Variants in FRMPD4 observed in about 807,000 individuals in gnomAD.
FRMPD4 encodes the protein FERM and PDZ domain containing 4.
FRMPD4 carries 22 observed loss-of-function variants against 94.1 expected under a neutral mutation model. That is an observed-to-expected ratio of 0.23 (90% CI 0.17 to 0.33). The LOEUF is 0.33. FRMPD4 is among the 10% of genes least tolerant of loss of function. FRMPD4 has a pLI of 1.00. For missense variants in FRMPD4, 1,111 were observed against 1,339.9 expected, an observed-to-expected ratio of 0.83 and a Z score of 2.67; for synonymous variants, 631 against 548.6, an observed-to-expected ratio of 1.15 and a Z score of -2.10.
intron 1 of FRMPD4, among the ~76,000 whole-genome samples, chrX:12,271,535 T>C (rs147182490): frequency 0.02 from 2,263 of 112,203 alleles, 23 homozygotes; most frequent in Middle Eastern, 0.05. Context: ...TTGTGTGCTG[T>C]ACCATTCGAG....
intron 1 of FRMPD4, among the ~76,000 whole-genome samples, chrX:12,243,651 A>C (rs2147797144): frequency 9.2e-6 from 1 of 108,850 alleles, no homozygotes; most frequent in African/African-American, 3.3e-5. Flanking sequence ...AAACAAACCT[A>C]GTTTTTTTTT....
chrX:12,606,327 A>C (rs1204619917), intron 2 of FRMPD4, among the ~76,000 whole-genome samples: 1 of 111,587 alleles, frequency 9.0e-6, no homozygotes. Context: ...ACTATAATCC[A>C]TCCTTCTCTA....
intron 1 of FRMPD4, among the ~76,000 whole-genome samples, chrX:12,480,287 T>A (rs1356067104): frequency 3.7e-5 from 3 of 81,196 alleles, no homozygotes; most frequent in Non-Finnish European, 6.6e-5. Flanking sequence ...TCAGAGAAGT[T>A]CCAGAATAGA....
At chrX:12,303,693 A>C (rs1334595960) in intron 1 of FRMPD4, among the ~76,000 whole-genome samples, 1 of 111,953 alleles carries the variant, frequency 8.9e-6, no homozygotes, top group Non-Finnish European at 1.9e-5. Flanking sequence ...GAAATAACCC[A>C]AAATAAGAAG....
chrX:12,360,127 A>G (rs899034421), intron 1 of FRMPD4, among the ~76,000 whole-genome samples: 42 of 112,525 alleles, frequency 3.7e-4, no homozygotes, highest in African/African-American at 1.3e-3. Flanking sequence ...GAATGTTACA[A>G]ACATAGTGGT....
chrX:12,663,507 T>A (rs2059740661), intron 4 of FRMPD4, among the ~76,000 whole-genome samples: 1 of 112,213 alleles, frequency 8.9e-6, no homozygotes, highest in Non-Finnish European at 1.9e-5. Flanking sequence ...TGGTTGTAGA[T>A]GTGTGGCACT....
chrX:12,378,250 G>T (rs186107083), intron 1 of FRMPD4, among the ~76,000 whole-genome samples: 35 of 112,559 alleles, frequency 3.1e-4, no homozygotes, highest in Non-Finnish European at 5.6e-4. Flanking sequence ...TTGTATTTTA[G>T]TCGTTGTTCT....
chrX:12,535,264 G>T (rs376768994), intron 2 of FRMPD4, among the ~76,000 whole-genome samples: 2 of 111,514 alleles, frequency 1.8e-5, no homozygotes, highest in Admixed American at 1.9e-4. Flanking sequence ...AGCCACATGG[G>T]ATTGTAAGCC....
At chrX:12,451,030 T>C (rs5935348) in intron 1 of FRMPD4, among the ~76,000 whole-genome samples, 10,737 of 109,734 alleles carry the variant, frequency 0.098, 422 homozygotes, top group Non-Finnish European at 0.12. Context: ...CTCCATGACA[T>C]CATTTCCTAC....
At chrX:12,021,512 C>T (rs2054632190) in intron 3 of FRMPD4, among the ~76,000 whole-genome samples, 1 of 111,851 alleles carries the variant, frequency 8.9e-6, no homozygotes, top group Admixed American at 9.5e-5. Context: ...ATAAGCATAA[C>T]AGTAATTTAA....
At chrX:12,663,353 C>T (rs2059738720) in intron 4 of FRMPD4, among the ~76,000 whole-genome samples, 1 of 111,874 alleles carries the variant, frequency 8.9e-6, no homozygotes, top group African/African-American at 3.3e-5. Context: ...TTTAATGCAT[C>T]TTGAGTTAAT....
At chrX:11,955,824 C>T (rs903495942) in intron 3 of FRMPD4, among the ~76,000 whole-genome samples, 5 of 110,875 alleles carry the variant, frequency 4.5e-5, no homozygotes, top group African/African-American at 1.6e-4. Flanking sequence ...AACCTTGCAA[C>T]CAGCTAAGTG....
intron 4 of FRMPD4, among the ~76,000 whole-genome samples, chrX:12,645,996 G>A (rs759549217): frequency 9.0e-6 from 1 of 111,673 alleles, no homozygotes; most frequent in South Asian, 3.8e-4. Context: ...CTTGAGAGTA[G>A]AAAGAGTAAA....
chrX:12,221,611 C>T (rs1171845612), intron 1 of FRMPD4, among the ~76,000 whole-genome samples: 7 of 111,972 alleles, frequency 6.3e-5, no homozygotes, highest in Admixed American at 9.5e-5. Context: ...CTGGAGTCAA[C>T]GGATAAGAAT....
chrX:12,472,632 C>T (rs1011794422), intron 1 of FRMPD4, among the ~76,000 whole-genome samples: 13 of 111,862 alleles, frequency 1.2e-4, no homozygotes, highest in African/African-American at 2.6e-4. Context: ...CCTGATGGAG[C>T]GGAAAACCAT....
chrX:11,833,133 C>T (rs2053483948), intron 1 of FRMPD4, among the ~76,000 whole-genome samples: 1 of 112,077 alleles, frequency 8.9e-6, no homozygotes, highest in Admixed American at 9.5e-5. Flanking sequence ...GAGTAACATG[C>T]ATTTAAATTT....
intron 3 of FRMPD4, among the ~76,000 whole-genome samples, chrX:12,025,710 A>C (rs1470045485): frequency 8.9e-6 from 1 of 112,195 alleles, no homozygotes; most frequent in Non-Finnish European, 1.9e-5. Flanking sequence ...AGAGAACCAC[A>C]TATCAAGGAA....
At chrX:11,980,873 T>C (rs1399274508) in intron 3 of FRMPD4, among the ~76,000 whole-genome samples, 1 of 111,975 alleles carries the variant, frequency 8.9e-6, no homozygotes, top group Non-Finnish European at 1.9e-5. Context: ...TTTTTTCTGG[T>C]TATCCTTGTT....
At position 12,718,462 on chromosome X, in the gene FRMPD4, C is replaced by T; in HGVS notation, c.3636C>T (p.Ser1212=). The T allele has an allele frequency of 1.7e-6, 2 of 1,207,104 alleles. No individual in the cohort carries two copies. Among genetic ancestry groups the T allele is most frequent in the Non-Finnish European group, 2.2e-6 (2 of 891,096 alleles). ...GCGAGGGCCATTTTTCTCTGCAGAG[C>T]TCCCAAGGCTCTTCAGTGGATGCAG... ...LQSEGHFSLQ[S]SQGSSVDAGC... The change falls in exon 16 of 17, where the codon AGC becomes AGT. Residue 1212 remains serine (S), a synonymous_variant. Transcript: ENST00000675598.
Sources: allele counts gnomAD v4.1 joint callset (sites outside exome capture counted in the v4.1 genomes callset), GRCh38; gene constraint gnomAD v4.1.1; transcripts MANE v1.5; gene names NCBI Gene and HGNC (gene_info 2026-07-23, HGNC 2026-07-21).